Variants in LUC7L2 observed in about 807,000 individuals in gnomAD.
The protein encoded by LUC7L2 is putative RNA-binding protein Luc7-like 2.
Under a neutral mutation model 52.8 loss-of-function variants are expected in LUC7L2, and 25 were observed. The observed-to-expected ratio is 0.47, with a 90% CI of 0.34 to 0.66. The LOEUF (loss-of-function observed/expected upper bound fraction) is 0.66. Among genes scored for constraint, LUC7L2 ranks in the 30% least tolerant of loss-of-function variants. The pLI is 0.01. For missense variants in LUC7L2, 328 were observed against 497.8 expected (o/e 0.66, Z 3.25); for synonymous variants, 144 against 160.9 (o/e 0.89, Z 0.80).
chr7:139,419,681 TTG>T (rs781389941), intron 9 of LUC7L2, among the ~76,000 whole-genome samples: 3 of 152,182 alleles, frequency 2.0e-5, no homozygotes, highest in Non-Finnish European at 2.9e-5. Flanking sequence ...TAATCTGAGA[TTG>T]TGTTATTTTA....
chr7:139,407,091 T>C (rs1443834873), intron 5 of LUC7L2, 83 bp from the exon 6 acceptor site: 11 of 1,287,962 alleles, frequency 8.5e-6, no homozygotes, highest in Non-Finnish European at 9.9e-6. Context: ...AAAACACTTT[T>C]GGTATAAGCA....
intron 1 of LUC7L2, among the ~76,000 whole-genome samples, chr7:139,373,464 A>G (rs537930301): frequency 1.3e-5 from 2 of 152,298 alleles, no homozygotes; most frequent in African/African-American, 4.8e-5. Context: ...ACGGTTATCA[A>G]ATATTTATGG....
intron 1 of LUC7L2, among the ~76,000 whole-genome samples, chr7:139,372,956 T>C (rs1800527373): frequency 6.6e-6 from 1 of 152,222 alleles, no homozygotes; most frequent in African/African-American, 2.4e-5. Flanking sequence ...TGTGACAGGA[T>C]ACTTTTTCCC....
At chr7:139,377,528 G>A (rs1800778522) in intron 2 of LUC7L2, among the ~76,000 whole-genome samples, 1 of 152,104 alleles carries the variant, frequency 6.6e-6, no homozygotes, top group Admixed American at 6.5e-5. Context: ...CAACTAGCTG[G>A]GATTACAGGT....
intron 2 of LUC7L2, among the ~76,000 whole-genome samples, chr7:139,381,064 A>G (rs1029074048): frequency 6.6e-6 from 1 of 152,170 alleles, no homozygotes; most frequent in African/African-American, 2.4e-5. Flanking sequence ...TTTACTGTTG[A>G]TAGGCCCTCA....
At chr7:139,383,013 C>CT (rs1435327909) in intron 2 of LUC7L2, among the ~76,000 whole-genome samples, 2 of 152,134 alleles carry the variant, frequency 1.3e-5, no homozygotes, top group African/African-American at 4.8e-5. Flanking sequence ...GCAACCTCTG[C>CT]TTCCTAGGCA....
chr7:139,341,409 C>A, intron 1 of LUC7L2: 1 of 1,613,444 alleles, frequency 6.2e-7, no homozygotes, highest in Non-Finnish European at 8.5e-7. Flanking sequence ...GTCCCCGTCG[C>A]ACACTTTTCG....
At chr7:139,381,317 T>G (rs890555375) in intron 2 of LUC7L2, among the ~76,000 whole-genome samples, 2 of 151,976 alleles carry the variant, frequency 1.3e-5, no homozygotes, top group African/African-American at 2.4e-5. Context: ...GATTTAGGAG[T>G]AGGCTAGTTC....
At chr7:139,366,661 T>TA (rs1343159736) in intron 1 of LUC7L2, among the ~76,000 whole-genome samples, 2 of 152,212 alleles carry the variant, frequency 1.3e-5, no homozygotes, top group Non-Finnish European at 2.9e-5. Context: ...AACAGAGTCA[T>TA]ATGGCCCGCA....
At chr7:139,415,066 T>G (rs1275850380) in intron 8 of LUC7L2, among the ~76,000 whole-genome samples, 4 of 142,980 alleles carry the variant, frequency 2.8e-5, no homozygotes, top group African/African-American at 7.7e-5. Context: ...TTTTTTTTTT[T>G]TTTTTTTTTT....
At chr7:139,408,419 C>CAT (rs1362414423) in intron 6 of LUC7L2, among the ~76,000 whole-genome samples, 1 of 152,086 alleles carries the variant, frequency 6.6e-6, no homozygotes, top group Non-Finnish European at 1.5e-5. Flanking sequence ...TAAATATTTC[C>CAT]ATATTAGAAA....
In LUC7L2 at chr7:139,399,449, A is replaced by ATTTTTTTTTTTTTTTTTTTTTTTT. The variant is rs71169090; in HGVS notation, c.255+767_255+790dup. On this transcript the variant is annotated intron_variant, in intron 3 of 9. Coordinates refer to ENST00000354926, the MANE Select transcript of LUC7L2 (RefSeq NM_016019.5). ...GGACATGCATATGGGTGTTTGGGGG[A>ATTTTTTTTTTTTTTTTTTTTTTTT]TTTTTTTTTTTTTTTTTTTTTTTTT... 7.9e-5 allele frequency among the ~76,000 whole-genome samples: 4 copies of ATTTTTTTTTTTTTTTTTTTTTTTT among 50,458 alleles called. 1 individual carries two copies. The highest frequency in any genetic ancestry group is 1.6e-3 in the East Asian group (2 of 1,260). The allele number at this position is 50,458 out of a possible 152,430, so 33.1% of individuals were successfully genotyped here. A position where few individuals can be genotyped will look rare whatever the true frequency, so the allele number is the denominator to read the frequency against.
At chr7:139,410,704 C>A (rs932397504) in intron 7 of LUC7L2, among the ~76,000 whole-genome samples, 1 of 152,076 alleles carries the variant, frequency 6.6e-6, no homozygotes, top group Non-Finnish European at 1.5e-5. Flanking sequence ...ATTTAAATAC[C>A]TTCTCTTTAG....
chr7:139,398,356 C>T (rs979050593), intron 2 of LUC7L2, among the ~76,000 whole-genome samples: 3 of 152,010 alleles, frequency 2.0e-5, no homozygotes, highest in Non-Finnish European at 2.9e-5. Flanking sequence ...AAAGCTTTTC[C>T]ATATCCATTT....
intron 1 of LUC7L2, among the ~76,000 whole-genome samples, chr7:139,367,121 A>C (rs1401959565): frequency 6.6e-6 from 1 of 151,894 alleles, no homozygotes; most frequent in Non-Finnish European, 1.5e-5. Flanking sequence ...ACAGGCATGC[A>C]CTGTCATGCC....
intron 3 of LUC7L2, among the ~76,000 whole-genome samples, chr7:139,399,103 C>A (rs35536826): frequency 0.065 from 9,942 of 151,808 alleles, 394 homozygotes; most frequent in East Asian, 0.15. Context: ...ATAGTTGGCC[C>A]CCCATATCTG....
intron 2 of LUC7L2, among the ~76,000 whole-genome samples, chr7:139,383,723 C>CTTT (rs149098259): frequency 6.3e-5 from 9 of 142,540 alleles, no homozygotes; most frequent in African/African-American, 1.8e-4. Context: ...GCCTTGATGT[C>CTTT]TTTTTTTTTT....
Position 139,379,549 on chromosome 7 carries a change from C to CTTTTTTTTTTTTTTTTTTTTTTTTTTTTT in LUC7L2, c.156+3403_156+3431dup, listed in dbSNP as rs539771697. ...TTTCATTATTCTAGTATAACTAATG[C>CTTTTTTTTTTTTTTTTTTTTTTTTTTTTT]TTTTTTTTTTTTTTTTTTTTTTTTT... On this transcript the variant is annotated intron_variant, in intron 2 of 9. Transcript: ENST00000354926. Among the ~76,000 whole-genome samples the CTTTTTTTTTTTTTTTTTTTTTTTTTTTTT allele has an allele frequency of 5.7e-5, 3 of 52,722 alleles. 1 individual carries two copies. The highest frequency in any genetic ancestry group is 1.7e-4 in the African/African-American group (2 of 11,450). 34.6% of individuals were successfully genotyped at this position (52,722 alleles called of 152,430 possible).
intron 1 of LUC7L2, among the ~76,000 whole-genome samples, chr7:139,354,195 C>T (rs1799542087): frequency 1.3e-5 from 2 of 152,062 alleles, no homozygotes; most frequent in African/African-American, 4.8e-5. Flanking sequence ...TTTGGAGTGA[C>T]CCTTCTGTTG....
Sources: allele counts gnomAD v4.1 joint callset (sites outside exome capture counted in the v4.1 genomes callset), GRCh38; gene constraint gnomAD v4.1.1; transcripts MANE v1.5; gene names NCBI Gene and HGNC (gene_info 2026-07-23, HGNC 2026-07-21).